FRYL: variants seen among roughly 807,000 people sequenced by gnomAD.
FRYL encodes protein furry homolog-like.
In FRYL, 150 loss-of-function variants were observed where a neutral mutation model predicts 351.2. The observed-to-expected ratio is 0.43, with a 90% CI of 0.37 to 0.49. FRYL has a LOEUF of 0.49. Among genes scored for constraint, FRYL ranks in the 20% least tolerant of loss-of-function variants. The pLI, the probability that FRYL is intolerant of heterozygous loss-of-function variation, is 0.00. For missense variants in FRYL, 3,036 were observed against 3,619.3 expected, an observed-to-expected ratio of 0.84 and a Z score of 4.13; for synonymous variants, 1,153 against 1,257.1, an observed-to-expected ratio of 0.92 and a Z score of 1.75.
At chr4:48,715,903 C>G (rs1768758248) in intron 1 of FRYL, among the ~76,000 whole-genome samples, 1 of 152,158 alleles carries the variant, frequency 6.6e-6, no homozygotes, top group African/African-American at 2.4e-5. Flanking sequence ...ACCAAAACAG[C>G]ATGGTACTGG....
intron 1 of FRYL, among the ~76,000 whole-genome samples, chr4:48,755,530 CTTGTCAGAGAGAAACG>C (rs1025974454): frequency 1.3e-5 from 2 of 152,200 alleles, no homozygotes; most frequent in Non-Finnish European, 2.9e-5. Flanking sequence ...CATTATCCCC[CTTGTCAGAGAGAAACG>C]TTGCAAAATC....
chr4:48,596,113 A>G lies in FRYL; in HGVS notation c.1036-113T>C, dbSNP rs1220111659. 9.1e-5 allele frequency: 62 copies of G among 683,834 alleles called. No individual in the cohort carries two copies. The South Asian group carries it at 1.1e-3, about 13-fold the overall frequency. The allele number at this position is 683,834 out of a possible 1,614,324, so 42.4% of individuals were successfully genotyped here. A position where few individuals can be genotyped will look rare whatever the true frequency, so the allele number is the denominator to read the frequency against. On this transcript the variant is annotated intron_variant, in intron 13 of 63. Coordinates refer to ENST00000358350, the MANE Select transcript of FRYL (RefSeq NM_015030.2). ...ATCTTTTTTGTATTCAGTCTAAAAT[A>G]GGTTTAAATACCAGGTACATATTTG...
intron 27 of FRYL, among the ~76,000 whole-genome samples, chr4:48,569,082 C>T (rs899788256): frequency 6.6e-6 from 1 of 152,102 alleles, no homozygotes; most frequent in African/African-American, 2.4e-5. Context: ...GCTTAATAGT[C>T]ATATAGTTTT....
intron 2 of FRYL, among the ~76,000 whole-genome samples, chr4:48,686,242 T>A (rs1004401321): frequency 2.0e-5 from 3 of 152,180 alleles, no homozygotes; most frequent in African/African-American, 7.2e-5. Context: ...TTTAGCCAAG[T>A]TAGAAAAATA....
intron 4 of FRYL, among the ~76,000 whole-genome samples, chr4:48,631,811 C>T (rs1389035571): frequency 5.5e-4 from 83 of 151,112 alleles, no homozygotes; most frequent in Non-Finnish European, 1.5e-5. Context: ...TCTATAATCC[C>T]AGGACTTTGG....
intron 41 of FRYL, chr4:48,546,805 G>C (rs1257917015): frequency 1.3e-5 from 2 of 152,734 alleles, no homozygotes; most frequent in Non-Finnish European, 1.5e-5. Flanking sequence ...TTTGAATAAT[G>C]GTGCCTTAAT....
chr4:48,499,549 A>C lies in FRYL; in HGVS notation c.8915T>G (p.Met2972Arg), dbSNP rs749830233. The change falls in exon 64 of 64, where the codon ATG (methionine) becomes AGG (arginine). Residue 2972 changes from methionine (M) to arginine (R), a missense_variant. Coordinates refer to ENST00000358350, the MANE Select transcript of FRYL (RefSeq NM_015030.2). ...CATCAGTTTGTAGTTGGCTTCTGAC[A>C]TGTCCAGGTTAGAGCCTATAACTGC... is the stretch of plus-strand genomic sequence containing the variant. ...SFAVIGSNLD[M>R]SEANYKLMEL... 6.2e-7 allele frequency: 1 copy of C among 1,614,142 alleles called. No individual in the cohort carries two copies. The highest frequency in any genetic ancestry group is 8.5e-7 in the Non-Finnish European group (1 of 1,180,006).
At chr4:48,585,137 G>A (rs1741820988) in intron 19 of FRYL, among the ~76,000 whole-genome samples, 1 of 152,140 alleles carries the variant, frequency 6.6e-6, no homozygotes, top group Admixed American at 6.5e-5. Flanking sequence ...GGAGGAGTAA[G>A]AGCAGAATTG....
rs562075092 is a variant in FRYL, at chr4:48,562,946, C to T, written c.3639G>A (p.Leu1213=). The change falls in exon 32 of 64, where the codon CTG becomes CTA. Residue 1213 remains leucine, a synonymous_variant. Coordinates refer to ENST00000358350, the MANE Select transcript of FRYL (RefSeq NM_015030.2). ...CDTVMLLNLI[L]FKAADSSRSI... is the part of the protein sequence containing the mutation. ...TTCTAGAAGAATCAGCTGCTTTAAA[C>T]AGTATCAGATTTAGAAGCATCACTG... The T allele has an allele frequency of 1.2e-6, 2 of 1,609,938 alleles. No homozygotes were observed. The highest frequency in any genetic ancestry group is 2.2e-5 in the East Asian group (1 of 44,756).
intron 1 of FRYL, among the ~76,000 whole-genome samples, chr4:48,779,333 G>T (rs1776375541): frequency 1.3e-5 from 2 of 152,326 alleles, no homozygotes; most frequent in South Asian, 4.1e-4. Context: ...CTCGCGGGCG[G>T]TGGCCGCGGT....
intron 3 of FRYL, among the ~76,000 whole-genome samples, chr4:48,683,939 C>T (rs754089181): frequency 6.6e-6 from 1 of 152,186 alleles, no homozygotes; most frequent in East Asian, 1.9e-4. Context: ...CCAGGTCCCT[C>T]TGCAGGTTGT....
At chr4:48,634,641 T>A in intron 3 of FRYL, among the ~76,000 whole-genome samples, 151 bp from the exon 4 acceptor site, 1 of 152,202 alleles carries the variant, frequency 6.6e-6, no homozygotes, top group East Asian at 1.9e-4. Context: ...ATTTCTAACA[T>A]ACTAACATAT....
chr4:48,704,130 T>C (rs1325815085), intron 2 of FRYL, among the ~76,000 whole-genome samples: 2 of 152,022 alleles, frequency 1.3e-5, no homozygotes, highest in East Asian at 1.9e-4. Context: ...ATGAAGCCAG[T>C]TGAAAGCAGA....
At chr4:48,584,873 A>G (rs1368120776) in intron 19 of FRYL, among the ~76,000 whole-genome samples, 1 of 152,244 alleles carries the variant, frequency 6.6e-6, no homozygotes, top group African/African-American at 2.4e-5. Flanking sequence ...AATGATAAGA[A>G]GAGAGGAGAG....
intron 13 of FRYL, among the ~76,000 whole-genome samples, chr4:48,600,262 T>C (rs531348277): frequency 2.0e-5 from 3 of 152,316 alleles, no homozygotes; most frequent in South Asian, 2.1e-4. Context: ...ATAACTAGCA[T>C]AGTTTTTCCT....
At chr4:48,769,280 T>C in intron 1 of FRYL, among the ~76,000 whole-genome samples, 1 of 152,184 alleles carries the variant, frequency 6.6e-6, no homozygotes, top group East Asian at 1.9e-4. Flanking sequence ...ATCTAGAATA[T>C]ATAAAGAATC....
chr4:48,726,154 G>A (rs1456577883), intron 1 of FRYL, among the ~76,000 whole-genome samples: 2 of 152,196 alleles, frequency 1.3e-5, no homozygotes, highest in Non-Finnish European at 2.9e-5. Flanking sequence ...GAGGTGGTCA[G>A]GCTTACCAAA....
At chr4:48,610,295 A>G (rs1220635603) in intron 7 of FRYL, among the ~76,000 whole-genome samples, 2 of 152,080 alleles carry the variant, frequency 1.3e-5, no homozygotes, top group African/African-American at 4.8e-5. Context: ...CCCGACATTT[A>G]AATAGTCTCA....
chr4:48,542,689 T>C (rs575878141), intron 44 of FRYL, among the ~76,000 whole-genome samples: 2 of 152,358 alleles, frequency 1.3e-5, no homozygotes, highest in East Asian at 3.9e-4. Context: ...GTGCTGGGAT[T>C]ATAGGTGTGA....
Sources: allele counts gnomAD v4.1 joint callset (sites outside exome capture counted in the v4.1 genomes callset), GRCh38; gene constraint gnomAD v4.1.1; transcripts MANE v1.5; gene names NCBI Gene and HGNC (gene_info 2026-07-23, HGNC 2026-07-21).